The following ZBTB20 variants were observed in gnomAD, a reference collection of about 807,000 sequenced individuals.
ZBTB20 encodes zinc finger and BTB domain-containing protein 20.
In ZBTB20, 9 loss-of-function variants were observed where a neutral mutation model predicts 56.9. The observed-to-expected ratio is 0.16, with a 90% CI of 0.10 to 0.28. The LOEUF is 0.28. ZBTB20 is among the 10% of genes least tolerant of loss of function. The pLI is 1.00. For missense variants in ZBTB20, 655 were observed against 1,003.0 expected, an observed-to-expected ratio of 0.65 and a Z score of 4.69; for synonymous variants, 417 against 420.7, an observed-to-expected ratio of 0.99 and a Z score of 0.11.
intron 5 of ZBTB20, among the ~76,000 whole-genome samples, chr3:114,709,732 G>T (rs756425489): frequency 6.6e-6 from 1 of 152,140 alleles, no homozygotes; most frequent in African/African-American, 2.4e-5. Flanking sequence ...TTATACTAGA[G>T]GTGAGAACCA....
intron 7 of ZBTB20, among the ~76,000 whole-genome samples, chr3:114,454,396 C>G (rs1029037742): frequency 3.3e-5 from 5 of 151,740 alleles, no homozygotes; most frequent in Non-Finnish European, 7.4e-5. Flanking sequence ...TTCCCACCCC[C>G]CGTTGTACTG....
intron 7 of ZBTB20, among the ~76,000 whole-genome samples, chr3:114,409,817 G>T (rs2087752988): frequency 6.6e-6 from 1 of 152,106 alleles, no homozygotes; most frequent in African/African-American, 2.4e-5. Flanking sequence ...ATAAGTTATA[G>T]AATTATCTAC....
At chr3:114,764,956 A>C (rs1443388945) in intron 5 of ZBTB20, among the ~76,000 whole-genome samples, 1 of 152,150 alleles carries the variant, frequency 6.6e-6, no homozygotes, top group African/African-American at 2.4e-5. Flanking sequence ...TCTTTAATAC[A>C]CAGTAACACC....
At chr3:114,934,452 G>A (rs1338415118) in intron 3 of ZBTB20, among the ~76,000 whole-genome samples, 1 of 151,910 alleles carries the variant, frequency 6.6e-6, no homozygotes, top group Non-Finnish European at 1.5e-5. Flanking sequence ...TCCAAATCAG[G>A]TATTTGCCTT....
At chr3:114,927,028 A>C (rs2076184115) in intron 3 of ZBTB20, among the ~76,000 whole-genome samples, 1 of 152,148 alleles carries the variant, frequency 6.6e-6, no homozygotes, top group Non-Finnish European at 1.5e-5. Flanking sequence ...TATAGTGTGA[A>C]AGGAAAATAA....
chr3:115,143,043 G>A (rs537921925), intron 1 of ZBTB20, among the ~76,000 whole-genome samples: 6 of 152,184 alleles, frequency 3.9e-5, no homozygotes, highest in Non-Finnish European at 4.4e-5. Context: ...ACTGTTATTT[G>A]AGAACTATGA....
At chr3:114,620,730 C>T (rs1017079030) in intron 6 of ZBTB20, among the ~76,000 whole-genome samples, 6 of 152,168 alleles carry the variant, frequency 3.9e-5, no homozygotes, top group Non-Finnish European at 5.9e-5. Flanking sequence ...AATTAACAAA[C>T]CTAAAACACA....
chr3:114,502,679 A>G (rs2044141842), intron 6 of ZBTB20: 1 of 152,170 alleles, frequency 6.6e-6, no homozygotes, highest in African/African-American at 2.4e-5. Flanking sequence ...GTTTTGCTAT[A>G]TTCTAGTCTT....
intron 7 of ZBTB20, among the ~76,000 whole-genome samples, chr3:114,447,266 A>C (rs896865839): frequency 6.6e-6 from 1 of 152,176 alleles, no homozygotes; most frequent in African/African-American, 2.4e-5. Context: ...CAGGTACTCT[A>C]GACTAATTAG....
At chr3:114,733,888 A>G (rs1336591827) in intron 5 of ZBTB20, among the ~76,000 whole-genome samples, 1 of 152,104 alleles carries the variant, frequency 6.6e-6, no homozygotes, top group Non-Finnish European at 1.5e-5. Flanking sequence ...ACAATACGGA[A>G]TTTTAGGCTC....
At chr3:114,745,540 T>A (rs1005050066) in intron 5 of ZBTB20, among the ~76,000 whole-genome samples, 1 of 152,182 alleles carries the variant, frequency 6.6e-6, no homozygotes. Flanking sequence ...ATTATCTCCC[T>A]TCCTTTGTTC....
chr3:114,434,774 T>C (rs1297092778), intron 7 of ZBTB20, among the ~76,000 whole-genome samples: 1 of 152,044 alleles, frequency 6.6e-6, no homozygotes, highest in African/African-American at 2.4e-5. Flanking sequence ...GTTTAGAGCA[T>C]CAAAAGTGTA....
rs2078977739 is a variant in ZBTB20, at chr3:114,323,856, C to T, written c.*15149G>A. The T allele has an allele frequency of 6.6e-6, 1 of 152,134 alleles. No individual in the cohort carries two copies. Among genetic ancestry groups the T allele is most frequent in the Non-Finnish European group, 1.5e-5 (1 of 68,028 alleles). The allele number at this position is 152,134 out of a possible 1,614,324, so 9.4% of individuals were successfully genotyped here. A position where few individuals can be genotyped will look rare whatever the true frequency, so the allele number is the denominator to read the frequency against. ...ACTCTGCATTTTAGTGATGCTCCTA[C>T]TTCCATAATTTGCCTTTTTCTTTCC... On this transcript the variant is annotated 3_prime_UTR_variant, in exon 12 of 12. Transcript: ENST00000675478.
chr3:114,436,361 A>G (rs2090516746), intron 7 of ZBTB20, among the ~76,000 whole-genome samples: 1 of 152,156 alleles, frequency 6.6e-6, no homozygotes, highest in Non-Finnish European at 1.5e-5. Context: ...AAGGGCCCCA[A>G]ACTCAGCTCT....
intron 1 of ZBTB20, among the ~76,000 whole-genome samples, chr3:115,098,716 T>TA (rs1307037506): frequency 6.6e-6 from 1 of 152,190 alleles, no homozygotes; most frequent in Non-Finnish European, 1.5e-5. Flanking sequence ...GGATTTTTAA[T>TA]AAACATTTTA....
At position 114,324,022 on chromosome 3, in the gene ZBTB20, A is replaced by G. The variant is rs1175117240; in HGVS notation, c.*14983T>C. On this transcript the variant is annotated 3_prime_UTR_variant, in exon 12 of 12. Coordinates refer to ENST00000675478, the MANE Select transcript of ZBTB20 (RefSeq NM_001348800.3). Reference sequence around the variant, plus strand: ...AGCTCTTACAAAGGTTACCAGTGCTACGAAGGTGGGAAATTCAGTCTATCT... The same window carrying G: ...AGCTCTTACAAAGGTTACCAGTGCTGCGAAGGTGGGAAATTCAGTCTATCT... 1 of 152,220 alleles carries G rather than the reference A, an allele frequency of 6.6e-6. No homozygotes were observed. The highest frequency in any genetic ancestry group is 6.5e-5 in the Admixed American group (1 of 15,272). 9.4% of individuals were successfully genotyped at this position (152,220 alleles called of 1,614,324 possible).
chr3:115,078,613 G>GTGTGTGTA (rs769630983), intron 1 of ZBTB20, among the ~76,000 whole-genome samples: 41 of 137,824 alleles, frequency 3.0e-4, no homozygotes, highest in Non-Finnish European at 5.7e-4. Flanking sequence ...GTGTGTGTGT[G>GTGTGTGTA]TATATATATA....
chr3:114,636,186 G>C (rs999493107), intron 6 of ZBTB20, among the ~76,000 whole-genome samples: 1 of 152,100 alleles, frequency 6.6e-6, no homozygotes, highest in Admixed American at 6.6e-5. Flanking sequence ...GCTATACTCA[G>C]AAAAGCCATC....
chr3:114,804,205 A>C (rs1016187181), intron 4 of ZBTB20, among the ~76,000 whole-genome samples: 4 of 145,200 alleles, frequency 2.8e-5, no homozygotes, highest in African/African-American at 9.8e-5. Flanking sequence ...ACAAGGCCAC[A>C]AACAAAGCCT....
Sources: gnomAD v4.1 joint callset for allele counts (sites outside exome capture counted in the v4.1 genomes callset) on GRCh38, gnomAD v4.1.1 for gene constraint, MANE v1.5 for transcripts, NCBI Gene and HGNC (gene_info 2026-07-23, HGNC 2026-07-21) for gene names.